Variants in FBXO45 observed in about 807,000 individuals in gnomAD.
FBXO45 encodes the protein F-box protein 45.
Under a neutral mutation model 25.5 loss-of-function variants are expected in FBXO45, and 3 were observed. The observed-to-expected ratio is 0.12, with a 90% CI of 0.05 to 0.30. FBXO45 has a LOEUF of 0.30. FBXO45 is among the 10% of genes least tolerant of loss of function. The probability of loss-of-function intolerance (pLI) is 1.00; values close to 1 mark genes in which losing one functional copy is unlikely to be tolerated. For synonymous variants in FBXO45, 155 were observed against 149.8 expected (o/e 1.03, Z -0.25); for missense variants, 219 against 365.0 (o/e 0.60, Z 3.26).
chr3:196,579,712 A>C (rs1054153592), intron 2 of FBXO45, among the ~76,000 whole-genome samples: 1 of 152,076 alleles, frequency 6.6e-6, no homozygotes, highest in East Asian at 1.9e-4. Context: ...CTACCCTTCT[A>C]TTATTTACTA....
chr3:196,584,532 G>A lies in FBXO45; in HGVS notation c.*214G>A. The A allele has an allele frequency of 2.1e-6, 1 of 477,298 alleles. No homozygotes were observed. The highest frequency in any genetic ancestry group is 3.7e-6 in the Non-Finnish European group (1 of 272,370). The allele number at this position is 477,298 out of a possible 1,614,324, so 29.6% of individuals were successfully genotyped here. On this transcript the variant is annotated 3_prime_UTR_variant, in exon 3 of 3. Coordinates refer to ENST00000311630, the MANE Select transcript of FBXO45 (RefSeq NM_001105573.2). This position sits in a 1 kb window ranked among gnomAD's most constrained non-coding sequence, Gnocchi z 4.3. ...CCTCAGGGTTGCAGTTGGTTGAGTG[G>A]GCAGTTGACATATGCATGTTGCACC...
At chr3:196,570,230 G>A (rs1456730808) in intron 1 of FBXO45, among the ~76,000 whole-genome samples, 1 of 151,128 alleles carries the variant, frequency 6.6e-6, no homozygotes, top group Non-Finnish European at 1.5e-5. Context: ...TAAACATAAT[G>A]AATGCATTAG....
Position 196,569,394 on chromosome 3 carries a change from T to C in FBXO45, c.318+92T>C. 1 of 1,270,626 alleles carries C rather than the reference T, an allele frequency of 7.9e-7. No individual in the cohort carries two copies. Among genetic ancestry groups the C allele is most frequent in the Non-Finnish European group, 1.1e-6 (1 of 939,266 alleles). 78.7% of individuals were successfully genotyped at this position (1,270,626 alleles called of 1,614,324 possible). A position where few individuals can be genotyped will look rare whatever the true frequency, so the allele number is the denominator to read the frequency against. On this transcript the variant is annotated intron_variant, in intron 1 of 2. Coordinates refer to ENST00000311630, the MANE Select transcript of FBXO45 (RefSeq NM_001105573.2). This position sits in a 1 kb window ranked among gnomAD's most constrained non-coding sequence, Gnocchi z 4.1. Reference sequence around the variant, plus strand: ...CATCCGAGCTTCTGAGTCAGAAGCTTCGCCTCACCAGCCCGCCTTTCCACG... The same window carrying C: ...CATCCGAGCTTCTGAGTCAGAAGCTCCGCCTCACCAGCCCGCCTTTCCACG...
chr3:196,582,186 A>C (rs577461945), intron 2 of FBXO45, among the ~76,000 whole-genome samples: 3 of 152,196 alleles, frequency 2.0e-5, no homozygotes, highest in African/African-American at 7.2e-5. Flanking sequence ...TCAAAGGTGA[A>C]GCAGATTTGC....
At position 196,569,885 on chromosome 3, in the gene FBXO45, T is replaced by C. The variant is rs2108724227; in HGVS notation, c.318+583T>C. Among the ~76,000 whole-genome samples the C allele has an allele frequency of 6.6e-6, 1 of 152,342 alleles. No individual in the cohort carries two copies. The highest frequency in any genetic ancestry group is 3.4e-3 in the Middle Eastern group (1 of 294). On this transcript the variant is annotated intron_variant, in intron 1 of 2. Coordinates refer to ENST00000311630, the MANE Select transcript of FBXO45 (RefSeq NM_001105573.2). The surrounding 1 kb of genome is among the most constrained non-coding windows in gnomAD (Gnocchi z 4.1). ...ACAAGATACAGGCTTTTATAGAACG[T>C]CCACGGGCACCACCTAACATACTGC...
At chr3:196,580,906 C>T (rs1358456347) in intron 2 of FBXO45, among the ~76,000 whole-genome samples, 2 of 152,152 alleles carry the variant, frequency 1.3e-5, no homozygotes, top group African/African-American at 2.4e-5. Context: ...CCACCTCAGC[C>T]TCCAGAGTAG....
In FBXO45 at chr3:196,584,061, T is replaced by G. The variant is rs371661460; in HGVS notation, c.676-72T>G. The G allele has an allele frequency of 2.0e-5, 28 of 1,412,638 alleles. No homozygotes were observed. In the East Asian group the frequency reaches 6.2e-4, roughly 31 times the overall value. The allele number at this position is 1,412,638 out of a possible 1,614,324, so 87.5% of individuals were successfully genotyped here. On this transcript the variant is annotated intron_variant, in intron 2 of 2. Coordinates refer to ENST00000311630, the MANE Select transcript of FBXO45 (RefSeq NM_001105573.2). The surrounding 1 kb of genome is among the most constrained non-coding windows in gnomAD (Gnocchi z 4.3). ...AATATTCTTAATATTTTCAACTTCT[T>G]GATTTGTGTCTTGTTTCTTCTAGCT...
chr3:196,580,048 A>G (rs1560318704), intron 2 of FBXO45, among the ~76,000 whole-genome samples: 1 of 151,824 alleles, frequency 6.6e-6, no homozygotes, highest in Non-Finnish European at 1.5e-5. Flanking sequence ...CTGGAAGTGC[A>G]ATGGCGCAAT....
chr3:196,579,454 G>A lies in FBXO45; in HGVS notation c.675+1645G>A, dbSNP rs565131384. ...TTATCACTAAAAACGAAGTCCTGTC[G>A]CCACCCTTGTAATGATTTTGTAAGT... On this transcript the variant is annotated intron_variant, in intron 2 of 2. Coordinates refer to ENST00000311630, the MANE Select transcript of FBXO45 (RefSeq NM_001105573.2). Among the ~76,000 whole-genome samples the A allele has an allele frequency of 3.9e-5, 6 of 152,220 alleles. No individual in the cohort carries two copies. In the South Asian group the frequency reaches 6.2e-4, roughly 16 times the overall value.
In FBXO45 at chr3:196,587,737, T is replaced by C. The variant is rs972620257; in HGVS notation, c.*3419T>C. ...TAGATTGTCATATTAATATTAATTT[T>C]TTTTTGTTATTTTGAAGAAGTGAGT... On this transcript the variant is annotated 3_prime_UTR_variant, in exon 3 of 3. Transcript: ENST00000311630. 2 of 152,258 alleles carry C rather than the reference T, an allele frequency of 1.3e-5. No homozygotes were observed. Among genetic ancestry groups the C allele is most frequent in the East Asian group, 1.9e-4 (1 of 5,190 alleles). 9.4% of individuals were successfully genotyped at this position (152,258 alleles called of 1,614,324 possible). A position where few individuals can be genotyped will look rare whatever the true frequency, so the allele number is the denominator to read the frequency against.
intron 1 of FBXO45, among the ~76,000 whole-genome samples, chr3:196,574,459 A>T (rs1234313591): frequency 6.6e-6 from 1 of 152,158 alleles, no homozygotes; most frequent in Non-Finnish European, 1.5e-5. Flanking sequence ...GCAAAGGTTG[A>T]TATGTCTCTT....
intron 2 of FBXO45, among the ~76,000 whole-genome samples, chr3:196,581,465 G>A (rs1156565341): frequency 1.3e-5 from 2 of 151,806 alleles, no homozygotes; most frequent in Non-Finnish European, 2.9e-5. Context: ...TCTTGACCTC[G>A]TGATCCGCCC....
In FBXO45 at chr3:196,577,483, A is replaced by G. The variant is rs752810545; in HGVS notation, c.349A>G (p.Asn117Asp). The change falls in exon 2 of 3, where the codon AAT becomes GAT. Residue 117 changes from asparagine to aspartate, a missense_variant. Transcript: ENST00000311630. ...TGCTTTTCAACATGCCTTCAGCACT[A>G]ATGACTGCTCCAGGAATGTCTACAT... ...IRAFQHAFST[N>D]DCSRNVYIKK... The G allele has an allele frequency of 2.5e-6, 4 of 1,610,392 alleles. No individual in the cohort carries two copies. Among genetic ancestry groups the G allele is most frequent in the Non-Finnish European group, 3.4e-6 (4 of 1,176,848 alleles).
rs776756198 is a variant in FBXO45 at position 196,586,319 on chromosome 3, G to A, written c.*2001G>A. The A allele has an allele frequency of 6.6e-5, 10 of 152,148 alleles. No homozygotes were observed. The highest frequency in any genetic ancestry group is 2.0e-4 in the Admixed American group (3 of 15,276). The allele number at this position is 152,148 out of a possible 1,614,324, so 9.4% of individuals were successfully genotyped here. A position where few individuals can be genotyped will look rare whatever the true frequency, so the allele number is the denominator to read the frequency against. On this transcript the variant is annotated 3_prime_UTR_variant, in exon 3 of 3. Transcript: ENST00000311630. ...TATAATTGTCTCTTTTGTCTTGTTA[G>A]TAAACATTCATTTGCAACAGTTTTG...
At chr3:196,578,856 C>T (rs1169144324) in intron 2 of FBXO45, among the ~76,000 whole-genome samples, 1 of 151,888 alleles carries the variant, frequency 6.6e-6, no homozygotes, top group African/African-American at 2.4e-5. Context: ...TTATGTGTGG[C>T]CCAAAACAAT....
chr3:196,573,938 CTTT>C (rs34587292), intron 1 of FBXO45, among the ~76,000 whole-genome samples: 2 of 125,734 alleles, frequency 1.6e-5, no homozygotes, highest in Admixed American at 1.7e-4. Context: ...CTTTATTTTC[CTTT>C]TTTTTTTTTT....
chr3:196,584,444 G>A lies in FBXO45; in HGVS notation c.*126G>A. 1.2e-6 allele frequency: 1 copy of A among 807,840 alleles called. No individual in the cohort carries two copies. The highest frequency in any genetic ancestry group is 1.9e-6 in the Non-Finnish European group (1 of 532,616). 50.0% of individuals were successfully genotyped at this position (807,840 alleles called of 1,614,324 possible). A position where few individuals can be genotyped will look rare whatever the true frequency, so the allele number is the denominator to read the frequency against. ...CTGAAAACACATGAAGTCGTAAACT[G>A]GAGAAGCAGCTCTACAGCAGAGATT... On this transcript the variant is annotated 3_prime_UTR_variant, in exon 3 of 3. Coordinates refer to ENST00000311630, the MANE Select transcript of FBXO45 (RefSeq NM_001105573.2). This position sits in a 1 kb window ranked among gnomAD's most constrained non-coding sequence, Gnocchi z 4.3.
At chr3:196,579,650 G>C (rs1735975125) in intron 2 of FBXO45, among the ~76,000 whole-genome samples, 1 of 152,068 alleles carries the variant, frequency 6.6e-6, no homozygotes, top group Admixed American at 6.6e-5. Context: ...ATGAGAATTA[G>C]GCAAAGTCGA....
intron 1 of FBXO45, among the ~76,000 whole-genome samples, chr3:196,574,878 A>G (rs944650648): frequency 6.6e-6 from 1 of 152,222 alleles, no homozygotes; most frequent in Non-Finnish European, 1.5e-5. Flanking sequence ...AACATCATCA[A>G]GGTAGAAAGG....
Sources: allele counts gnomAD v4.1 joint callset (sites outside exome capture counted in the v4.1 genomes callset), GRCh38; gene constraint gnomAD v4.1.1; non-coding constraint Gnocchi (gnomAD v3.1); transcripts MANE v1.5; gene names NCBI Gene and HGNC (gene_info 2026-07-23, HGNC 2026-07-21).